The following TOGARAM2 variants were observed in gnomAD, a reference collection of about 807,000 sequenced individuals.
TOGARAM2 encodes the protein TOG array regulator of axonemal microtubules 2.
Under a neutral mutation model 93.3 loss-of-function variants are expected in TOGARAM2, and 85 were observed. The observed-to-expected ratio is 0.91, with a 90% CI of 0.76 to 1.09. TOGARAM2 has a LOEUF of 1.09. Ranked by LOEUF, TOGARAM2 falls within the 50% of genes least tolerant of loss-of-function variation. TOGARAM2 has a pLI of 0.00. For missense variants in TOGARAM2, 1,277 were observed against 1,334.5 expected (o/e 0.96, Z 0.67); for synonymous variants, 593 against 552.8 (o/e 1.07, Z -1.02).
rs147929389 is a variant in TOGARAM2 at position 29,036,728 on chromosome 2, C to T, written c.2606C>T (p.Ala869Val). 28 of 1,613,836 alleles carry T rather than the reference C, an allele frequency of 1.7e-5. No homozygotes were observed. In the African/African-American group the frequency reaches 3.5e-4, roughly 20 times the overall value. ...TCAGGGATTTACGCTGCTGCCGTGG[C>T]TGTGCTGGATGCGATGGTTGAGAGC... ...KNSGIYAAAV[A>V]VLDAMVESLD... Residue 869 changes from alanine (A) to valine (V), a missense_variant, in exon 18 of 20, where the codon GCT (alanine) becomes GTT (valine). Coordinates refer to ENST00000379558, the MANE Select transcript of TOGARAM2 (RefSeq NM_199280.4).
chr2:29,005,851 T>G (rs1008295215), intron 6 of TOGARAM2, among the ~76,000 whole-genome samples: 2 of 149,456 alleles, frequency 1.3e-5, no homozygotes, highest in Admixed American at 6.7e-5. Context: ...TCAGTGCATG[T>G]GTGTGCATAT....
intron 8 of TOGARAM2, among the ~76,000 whole-genome samples, chr2:29,015,303 G>A (rs11687342): frequency 0.23 from 34,635 of 151,968 alleles, 4,056 homozygotes; most frequent in Middle Eastern, 0.3. Flanking sequence ...CCACTTCTGC[G>A]CTCCCTCCTG....
At chr2:29,044,560 ACC>A (rs1218635857) in intron 18 of TOGARAM2, among the ~76,000 whole-genome samples, 2 of 151,984 alleles carry the variant, frequency 1.3e-5, no homozygotes, top group Non-Finnish European at 2.9e-5. Flanking sequence ...CCAGTCAGTC[ACC>A]CTGGCCTCAG....
At chr2:28,960,147 C>T (rs1196458395) in intron 1 of TOGARAM2, among the ~76,000 whole-genome samples, 1 of 152,172 alleles carries the variant, frequency 6.6e-6, no homozygotes. Flanking sequence ...CAGTCCATGA[C>T]TATATTTGGC....
chr2:29,006,218 T>G (rs1382913892), intron 6 of TOGARAM2, among the ~76,000 whole-genome samples: 1 of 149,148 alleles, frequency 6.7e-6, no homozygotes, highest in African/African-American at 2.5e-5. Flanking sequence ...TGTTTGTGTG[T>G]GTGACTGTGT....
At chr2:29,037,500 G>A (rs1323114748) in intron 18 of TOGARAM2, among the ~76,000 whole-genome samples, 2 of 152,138 alleles carry the variant, frequency 1.3e-5, no homozygotes, top group Non-Finnish European at 2.9e-5. Context: ...TGAGCATAGA[G>A]CAACGTCTTG....
At chr2:29,029,787 A>G (rs1442245331) in intron 14 of TOGARAM2, among the ~76,000 whole-genome samples, 2 of 150,072 alleles carry the variant, frequency 1.3e-5, no homozygotes, top group Non-Finnish European at 3.0e-5. Context: ...AATGGACTTT[A>G]GGGACTCAGG....
At chr2:29,020,671 G>A (rs905455378) in intron 10 of TOGARAM2, among the ~76,000 whole-genome samples, 3 of 152,180 alleles carry the variant, frequency 2.0e-5, no homozygotes, top group African/African-American at 7.2e-5. Context: ...GGCGAGGAAG[G>A]GGGGCAGCAG....
At chr2:28,972,935 C>T (rs991033803) in intron 1 of TOGARAM2, among the ~76,000 whole-genome samples, 1 of 152,208 alleles carries the variant, frequency 6.6e-6, no homozygotes, top group African/African-American at 2.4e-5. Context: ...GAAGTCTGTC[C>T]TCCTACACTC....
intron 1 of TOGARAM2, among the ~76,000 whole-genome samples, chr2:28,964,333 TCTA>T (rs1396192690): frequency 6.6e-6 from 1 of 152,212 alleles, no homozygotes; most frequent in Non-Finnish European, 1.5e-5. Context: ...TGTTCTAATG[TCTA>T]CTTTGTCTAA....
intron 11 of TOGARAM2, 57 bp from the exon 12 acceptor site, chr2:29,023,029 G>C: frequency 6.8e-7 from 1 of 1,469,898 alleles, no homozygotes; most frequent in Non-Finnish European, 9.3e-7. Flanking sequence ...AGTCTGCAGA[G>C]GGGTGGGGCT....
intron 1 of TOGARAM2, among the ~76,000 whole-genome samples, chr2:28,967,735 CT>C (rs1255609781): frequency 1.3e-5 from 2 of 150,870 alleles, no homozygotes; most frequent in Non-Finnish European, 2.9e-5. Flanking sequence ...TGTCAATTTC[CT>C]CATCTACAAA....
intron 9 of TOGARAM2, 111 bp from the exon 10 acceptor site, chr2:29,017,681 G>A: frequency 9.2e-7 from 1 of 1,081,396 alleles, no homozygotes; most frequent in Non-Finnish European, 1.3e-6. Flanking sequence ...AACATGTTGG[G>A]GGTACTGGCA....
intron 10 of TOGARAM2, among the ~76,000 whole-genome samples, chr2:29,019,684 A>C (rs967583616): frequency 6.6e-6 from 1 of 152,186 alleles, no homozygotes; most frequent in Admixed American, 6.5e-5. Context: ...AAAATCAAGT[A>C]GGTTATGTTG....
intron 6 of TOGARAM2, among the ~76,000 whole-genome samples, chr2:29,007,785 G>C (rs775325025): frequency 6.6e-6 from 1 of 151,660 alleles, no homozygotes; most frequent in Non-Finnish European, 1.5e-5. Flanking sequence ...GTTCCTCCCC[G>C]CTGTCCCCCA....
At position 28,998,052 on chromosome 2, in the gene TOGARAM2, G is replaced by A. The variant is rs903441510; in HGVS notation, c.29-91G>A. On this transcript the variant is annotated intron_variant, in intron 2 of 19. Transcript: ENST00000379558. ...GGGCAGGGACCCTGCGGGGTGGAGT[G>A]CTCAGGGTTACGGCCGGGTGTTCTT... is the stretch of plus-strand genomic sequence containing the variant. 5.8e-6 allele frequency: 5 copies of A among 861,714 alleles called. No homozygotes were observed. The Admixed American group carries it at 8.5e-5, about 15-fold the overall frequency. The allele number at this position is 861,714 out of a possible 1,614,324, so 53.4% of individuals were successfully genotyped here.
Position 29,011,957 on chromosome 2 carries a change from G to A in TOGARAM2, c.877+456G>A, listed in dbSNP as rs145046146. On this transcript the variant is annotated intron_variant, in intron 7 of 19. Coordinates refer to ENST00000379558, the MANE Select transcript of TOGARAM2 (RefSeq NM_199280.4). ...GCGGTGTGTTAAGCAAGTAGAGAGA[G>A]TATTCCTCACCTAGAGAATGAGAGG... is the stretch of plus-strand genomic sequence containing the variant. Among the ~76,000 whole-genome samples the A allele has an allele frequency of 2.6e-3, 393 of 152,332 alleles. 2 individuals are homozygous for A. Among genetic ancestry groups the A allele is most frequent in the African/African-American group, 8.7e-3 (363 of 41,572 alleles).
At position 29,017,161 on chromosome 2, in the gene TOGARAM2, T is replaced by G; in HGVS notation, c.1052T>G (p.Val351Gly). 2 of 1,612,870 alleles carry G rather than the reference T, an allele frequency of 1.2e-6. No individual in the cohort carries two copies. Among genetic ancestry groups the G allele is most frequent in the Non-Finnish European group, 1.7e-6 (2 of 1,179,456 alleles). ...DQKEIGTKIQ[V>G]TISKSAREKM... is the part of the protein sequence containing the mutation. The stretch of plus-strand genomic sequence containing the variant: ...GCCTTGACCTTGTGCCAGATCCAAG[T>G]CACCATCTCCAAGTCTGCCCGGGAG... The change falls in exon 9 of 20, where the codon GTC (valine) becomes GGC (glycine). Residue 351 changes from valine to glycine, a missense_variant. Val to Gly is a moderately radical substitution (Grantham distance 109). Coordinates refer to ENST00000379558, the MANE Select transcript of TOGARAM2 (RefSeq NM_199280.4).
chr2:28,981,910 C>T (rs566780372), intron 1 of TOGARAM2, among the ~76,000 whole-genome samples: 108 of 152,220 alleles, frequency 7.1e-4, no homozygotes, highest in South Asian at 1.0e-3. Flanking sequence ...GTGCTGTGGG[C>T]GATGGTGCCG....
Sources: allele counts gnomAD v4.1 joint callset (sites outside exome capture counted in the v4.1 genomes callset), GRCh38; gene constraint gnomAD v4.1.1; transcripts MANE v1.5; gene names NCBI Gene and HGNC (gene_info 2026-07-23, HGNC 2026-07-21).